Variants in EPS15 observed in about 807,000 individuals in gnomAD.
EPS15 encodes epidermal growth factor receptor pathway substrate 15.
A neutral mutation model predicts 113.8 loss-of-function variants in EPS15; 72 were observed. That is an observed-to-expected ratio of 0.63 (90% CI 0.52 to 0.77). EPS15 has a LOEUF of 0.77. EPS15 is among the 30% of genes least tolerant of loss of function. The pLI is 0.00. For synonymous variants in EPS15, 344 were observed against 363.4 expected (o/e 0.95, Z 0.61); for missense variants, 1,048 against 1,045.8 (o/e 1.00, Z -0.03).
chr1:51,517,831 GTTATT>G (rs772868288), intron 1 of EPS15, among the ~76,000 whole-genome samples: 14 of 152,184 alleles, frequency 9.2e-5, no homozygotes, highest in Non-Finnish European at 1.9e-4. Context: ...ACACGGGTTA[GTTATT>G]TTACATGAAG....
In EPS15 at chr1:51,444,345, C is replaced by T. The variant is rs182730527; in HGVS notation, c.954+544G>A. Reference sequence around the variant, plus strand: ...GTCCAGAAACCAAAACTAGGTAAAACCCACTTCTAGCTGTTCAAATATGAA... The same window carrying T: ...GTCCAGAAACCAAAACTAGGTAAAATCCACTTCTAGCTGTTCAAATATGAA... On this transcript the variant is annotated intron_variant, in intron 11 of 24. Transcript: ENST00000371733. Among the ~76,000 whole-genome samples, 163 of 152,250 alleles carry T rather than the reference C, an allele frequency of 1.1e-3. 1 individual carries two copies. The highest frequency in any genetic ancestry group is 3.9e-3 in the African/African-American group (161 of 41,536).
chr1:51,397,447 T>C (rs1442363116), intron 20 of EPS15, among the ~76,000 whole-genome samples: 1 of 152,220 alleles, frequency 6.6e-6, no homozygotes, highest in Non-Finnish European at 1.5e-5. Context: ...AATGTATTCA[T>C]TTTTAAATTA....
At chr1:51,473,038 C>G (rs746048232) in intron 2 of EPS15, 90 bp from the exon 3 acceptor site, 4 of 988,524 alleles carry the variant, frequency 4.0e-6, no homozygotes, top group Non-Finnish European at 4.8e-6. Context: ...TGATTTGGGA[C>G]CTGGCTTTTG....
intron 1 of EPS15, among the ~76,000 whole-genome samples, chr1:51,515,780 A>G (rs1449178198): frequency 6.6e-6 from 1 of 152,254 alleles, no homozygotes; most frequent in Non-Finnish European, 1.5e-5. Flanking sequence ...CATCTAGTAC[A>G]TAGAGAAGAA....
chr1:51,362,806 A>T (rs562137518), intron 23 of EPS15, among the ~76,000 whole-genome samples: 48 of 149,566 alleles, frequency 3.2e-4, no homozygotes, highest in Non-Finnish European at 5.3e-4. Flanking sequence ...GGTATGATTT[A>T]AAAAAAAATA....
chr1:51,430,155 A>G (rs1417581259), intron 12 of EPS15, among the ~76,000 whole-genome samples: 1 of 152,198 alleles, frequency 6.6e-6, no homozygotes. Context: ...GACTCTGCTT[A>G]TCTTAGGAAC....
chr1:51,489,382 C>T (rs1292370105), intron 1 of EPS15, among the ~76,000 whole-genome samples: 3 of 150,148 alleles, frequency 2.0e-5, no homozygotes, highest in South Asian at 2.1e-4. Context: ...AGTGCAATCA[C>T]GTGATCTCGG....
intron 12 of EPS15, among the ~76,000 whole-genome samples, chr1:51,426,815 C>CTG (rs1570277941): frequency 7.3e-6 from 1 of 136,356 alleles, no homozygotes; most frequent in East Asian, 2.0e-4. Flanking sequence ...TAAAATAAAT[C>CTG]TGTCTCTCTC....
At chr1:51,398,277 T>A (rs896215264) in intron 20 of EPS15, among the ~76,000 whole-genome samples, 3 of 152,128 alleles carry the variant, frequency 2.0e-5, no homozygotes, top group African/African-American at 7.2e-5. Context: ...ATGGTCTCGA[T>A]CTCCTGACCT....
intron 12 of EPS15, 32 bp downstream of exon 12, chr1:51,440,313 GTA>G (rs1491050013): frequency 9.6e-5 from 75 of 777,258 alleles, no homozygotes; most frequent in Middle Eastern, 8.2e-4. Context: ...GTGTGTGTGT[GTA>G]TGTGAGTAGG....
chr1:51,382,634 G>C (rs1481248534), intron 21 of EPS15, among the ~76,000 whole-genome samples: 1 of 151,998 alleles, frequency 6.6e-6, no homozygotes, highest in African/African-American at 2.4e-5. Flanking sequence ...GGCCAGGCTG[G>C]TTTTGAACTC....
intron 2 of EPS15, among the ~76,000 whole-genome samples, chr1:51,478,232 C>G (rs552876164): frequency 1.5e-3 from 233 of 152,228 alleles, no homozygotes; most frequent in African/African-American, 5.4e-3. Flanking sequence ...CTCTTTTGAT[C>G]TTTGTTGGTT....
intron 21 of EPS15, among the ~76,000 whole-genome samples, chr1:51,381,725 G>C (rs1646946474): frequency 6.6e-6 from 1 of 152,116 alleles, no homozygotes; most frequent in South Asian, 2.1e-4. Flanking sequence ...ATTGGTCAAA[G>C]AAAAATCACA....
At position 51,361,554 on chromosome 1, in the gene EPS15, C is replaced by T. The variant is rs143831330; in HGVS notation, c.2360-199G>A. ...CACACATGATCTCTCAAATAGATTC[C>T]AGCTATGTGCAGCTAATGAAACAAA... is the stretch of plus-strand genomic sequence containing the variant. On this transcript the variant is annotated intron_variant, in intron 23 of 24. Coordinates refer to ENST00000371733, the MANE Select transcript of EPS15 (RefSeq NM_001981.3). 9.0e-4 allele frequency among the ~76,000 whole-genome samples: 137 copies of T among 152,240 alleles called. 1 individual carries two copies. The highest frequency in any genetic ancestry group is 3.2e-3 in the African/African-American group (133 of 41,548).
intron 13 of EPS15, among the ~76,000 whole-genome samples, chr1:51,415,147 A>C (rs1415805091): frequency 1.3e-5 from 2 of 152,196 alleles, no homozygotes; most frequent in Admixed American, 6.5e-5. Flanking sequence ...CCTTTAATAA[A>C]CTGAACTATT....
intron 2 of EPS15, among the ~76,000 whole-genome samples, 186 bp downstream of exon 2, chr1:51,481,087 T>C (rs946077409): frequency 9.9e-5 from 15 of 152,254 alleles, no homozygotes; most frequent in Admixed American, 2.0e-4. Context: ...TGGACTTAAT[T>C]ATCTTTCCTT....
chr1:51,440,737 A>T (rs1247065696), intron 11 of EPS15, among the ~76,000 whole-genome samples: 1 of 152,066 alleles, frequency 6.6e-6, no homozygotes, highest in South Asian at 2.1e-4. Context: ...ACCTTGCAGT[A>T]AAAGAGATGC....
chr1:51,444,641 T>C (rs1652859756), intron 11 of EPS15, among the ~76,000 whole-genome samples: 1 of 152,192 alleles, frequency 6.6e-6, no homozygotes, highest in Non-Finnish European at 1.5e-5. Flanking sequence ...AAGCCCACAT[T>C]TTCCAATTTT....
At chr1:51,491,898 A>C (rs1398614134) in intron 1 of EPS15, among the ~76,000 whole-genome samples, 1 of 135,116 alleles carries the variant, frequency 7.4e-6, no homozygotes, top group Non-Finnish European at 1.5e-5. Context: ...AGTGTTGCCC[A>C]GTCTGTTGCC....
Sources: allele counts gnomAD v4.1 joint callset (sites outside exome capture counted in the v4.1 genomes callset), GRCh38; gene constraint gnomAD v4.1.1; transcripts MANE v1.5; gene names NCBI Gene and HGNC (gene_info 2026-07-23, HGNC 2026-07-21).